Variants in ARHGEF10 observed in about 807,000 individuals in gnomAD.
ARHGEF10 encodes Rho guanine nucleotide exchange factor 10, also known as Rho guanine nucleotide exchange factor (GEF) 10.
Under a neutral mutation model 147.4 loss-of-function variants are expected in ARHGEF10, and 140 were observed. The observed-to-expected ratio is 0.95, with a 90% CI of 0.83 to 1.09. ARHGEF10 has a LOEUF of 1.09. Among genes scored for constraint, ARHGEF10 ranks in the 50% least tolerant of loss-of-function variants. The pLI is 0.00. For synonymous variants in ARHGEF10, 902 were observed against 695.8 expected (o/e 1.30, Z -4.67); for missense variants, 2,222 against 1,752.7 (o/e 1.27, Z -4.78).
intron 11 of ARHGEF10, among the ~76,000 whole-genome samples, chr8:1,891,826 C>T (rs539666632): frequency 9.5e-4 from 145 of 152,104 alleles, no homozygotes; most frequent in Middle Eastern, 3.4e-3. Flanking sequence ...ACATCACGTG[C>T]AGTAGCCATG....
chr8:1,824,250 G>T (rs959666377), intron 1 of ARHGEF10, 137 bp downstream of exon 1: 1 of 152,124 alleles, frequency 6.6e-6, no homozygotes, highest in Non-Finnish European at 1.5e-5. Context: ...CTGCGCAGAT[G>T]TTTCAGGGAA....
chr8:1,945,708 G>C, intron 27 of ARHGEF10, 53 bp downstream of exon 27: 22 of 1,608,330 alleles, frequency 1.4e-5, no homozygotes, highest in Non-Finnish European at 1.3e-5. Context: ...GGACGGACGT[G>C]GGGGGTGCGG....
rs970906589 is a variant in ARHGEF10 at position 1,957,710 on chromosome 8, A to G, written c.*447A>G. ...TAAAAGTTTTACCTGATTCAGATTC[A>G]CGACTTTTATTTATATTCTATATTT... On this transcript the variant is annotated 3_prime_UTR_variant, in exon 29 of 29. Coordinates refer to ENST00000349830, the MANE Select transcript of ARHGEF10 (RefSeq NM_014629.4). The G allele has an allele frequency of 6.1e-5, 10 of 165,036 alleles. No homozygotes were observed. Among genetic ancestry groups the G allele is most frequent in the African/African-American group, 2.4e-4 (10 of 41,788 alleles). The allele number at this position is 165,036 out of a possible 1,614,324, so 10.2% of individuals were successfully genotyped here.
chr8:1,864,763 C>T (rs531623787), intron 5 of ARHGEF10, among the ~76,000 whole-genome samples: 9 of 152,218 alleles, frequency 5.9e-5, no homozygotes, highest in Admixed American at 3.3e-4. Context: ...CAGGGTAAAG[C>T]GTCCCCCGTG....
At chr8:1,875,537 A>C (rs1807624869) in intron 7 of ARHGEF10, among the ~76,000 whole-genome samples, 1 of 152,168 alleles carries the variant, frequency 6.6e-6, no homozygotes, top group African/African-American at 2.4e-5. Context: ...GGTGGTGATC[A>C]TTGTCCGTGG....
chr8:1,889,896 A>AGG, intron 11 of ARHGEF10, among the ~76,000 whole-genome samples: 1 of 117,350 alleles, frequency 8.5e-6, no homozygotes, highest in African/African-American at 3.7e-5. Flanking sequence ...GAGACACTGC[A>AGG]TGGGGTGAAC....
At chr8:1,871,618 G>T (rs903387677) in intron 7 of ARHGEF10, among the ~76,000 whole-genome samples, 1 of 152,190 alleles carries the variant, frequency 6.6e-6, no homozygotes, top group Non-Finnish European at 1.5e-5. Flanking sequence ...AGGAGTTCAA[G>T]ACCAGCCTGG....
chr8:1,941,680 T>C (rs1263272358), intron 26 of ARHGEF10, among the ~76,000 whole-genome samples: 1 of 151,988 alleles, frequency 6.6e-6, no homozygotes. Flanking sequence ...AAGAACAAAA[T>C]TGGAGGCCCA....
At chr8:1,857,427 T>C (rs948885431) in intron 2 of ARHGEF10, among the ~76,000 whole-genome samples, 2 of 151,484 alleles carry the variant, frequency 1.3e-5, no homozygotes, top group Non-Finnish European at 2.9e-5. Context: ...CTTTTCTTTT[T>C]TTTTTTTTTT....
chr8:1,922,888 T>G, intron 18 of ARHGEF10, 76 bp from the exon 19 acceptor site: 1 of 1,046,248 alleles, frequency 9.6e-7, no homozygotes, highest in Non-Finnish European at 1.5e-6. Flanking sequence ...TATTTGAGTC[T>G]TTTCTTCCCT....
intron 4 of ARHGEF10, among the ~76,000 whole-genome samples, chr8:1,862,532 A>T (rs1215323428): frequency 6.6e-6 from 1 of 152,142 alleles, no homozygotes; most frequent in Non-Finnish European, 1.5e-5. Flanking sequence ...TGACAGACTC[A>T]GTTTGCACCT....
At chr8:1,842,018 G>C (rs866914213) in intron 1 of ARHGEF10, among the ~76,000 whole-genome samples, 1,633 of 68,342 alleles carry the variant, frequency 0.024, 3 homozygotes, top group East Asian at 0.038. Flanking sequence ...GGGCCGCGGC[G>C]GGAACTGGGG....
chr8:1,887,024 G>T (rs186981749), intron 11 of ARHGEF10, among the ~76,000 whole-genome samples: 12 of 152,188 alleles, frequency 7.9e-5, no homozygotes, highest in Admixed American at 7.2e-4. Flanking sequence ...TTATAAAAGG[G>T]GTTCATGGCT....
intron 1 of ARHGEF10, among the ~76,000 whole-genome samples, chr8:1,832,397 G>GAC (rs1803182917): frequency 2.0e-5 from 1 of 49,476 alleles, no homozygotes; most frequent in Non-Finnish European, 4.3e-5. Context: ...GGCAGAGACA[G>GAC]AGAGAGGCAG....
At chr8:1,896,227 T>C in intron 13 of ARHGEF10, 106 bp from the exon 14 acceptor site, 1 of 876,366 alleles carries the variant, frequency 1.1e-6, no homozygotes, top group Non-Finnish European at 2.0e-6. Context: ...AACATCACAG[T>C]GACCGAAAGA....
At chr8:1,839,260 G>GAAGCT (rs1803790291) in intron 1 of ARHGEF10, among the ~76,000 whole-genome samples, 2 of 149,562 alleles carry the variant, frequency 1.3e-5, no homozygotes, top group South Asian at 2.1e-4. Context: ...GTCCGCTGTG[G>GAAGCT]GTACTGTCTG....
intron 7 of ARHGEF10, among the ~76,000 whole-genome samples, chr8:1,873,370 G>A (rs891469612): frequency 1.3e-5 from 2 of 152,072 alleles, no homozygotes; most frequent in South Asian, 4.1e-4. Flanking sequence ...AAGCAATGGT[G>A]AGCAAAAAGC....
intron 26 of ARHGEF10, among the ~76,000 whole-genome samples, chr8:1,941,911 TC>T (rs1814125880): frequency 6.6e-6 from 1 of 152,182 alleles, no homozygotes; most frequent in South Asian, 2.1e-4. Context: ...ACTTCATTCT[TC>T]CATGTGCAGA....
At chr8:1,947,247 C>G (rs1218106962) in intron 27 of ARHGEF10, among the ~76,000 whole-genome samples, 3 of 152,180 alleles carry the variant, frequency 2.0e-5, no homozygotes, top group Non-Finnish European at 4.4e-5. Flanking sequence ...ATGAGAAAAA[C>G]CTCTCCACTC....
Sources: gnomAD v4.1 joint callset for allele counts (sites outside exome capture counted in the v4.1 genomes callset) on GRCh38, gnomAD v4.1.1 for gene constraint, MANE v1.5 for transcripts, NCBI Gene and HGNC (gene_info 2026-07-23, HGNC 2026-07-21) for gene names.